The following IDE variants were observed in gnomAD, a reference collection of about 807,000 sequenced individuals.
IDE encodes the protein insulin degrading enzyme.
IDE carries 58 observed loss-of-function variants against 133.2 expected under a neutral mutation model. That is an observed-to-expected ratio of 0.44 (90% CI 0.35 to 0.54). The LOEUF (loss-of-function observed/expected upper bound fraction) is 0.54, where lower values mean the gene tolerates loss of function less well. Ranked by LOEUF, IDE falls within the 20% of genes least tolerant of loss-of-function variation. The pLI, the probability that IDE is intolerant of heterozygous loss-of-function variation, is 0.00. For missense variants in IDE, 981 were observed against 1,234.0 expected, an observed-to-expected ratio of 0.79 and a Z score of 3.07; for synonymous variants, 396 against 421.3, an observed-to-expected ratio of 0.94 and a Z score of 0.73.
chr10:92,465,643 C>T (rs1479504026), intron 20 of IDE, 33 bp downstream of exon 20: 2 of 1,579,856 alleles, frequency 1.3e-6, no homozygotes, highest in South Asian at 1.1e-5. Flanking sequence ...TCAAAGTCTA[C>T]AGTACCCTGC....
At chr10:92,573,210 C>CA (rs1186854480) in intron 1 of IDE, 2 of 983,694 alleles carry the variant, frequency 2.0e-6, no homozygotes, top group African/African-American at 3.5e-5. Flanking sequence ...CGCCGGATGG[C>CA]AAAAAACCTG....
Position 92,456,386 on chromosome 10 carries a change from G to A in IDE, c.2869C>T (p.His957Tyr). 6.2e-7 allele frequency: 1 copy of A among 1,613,702 alleles called. No individual in the cohort carries two copies. The highest frequency in any genetic ancestry group is 8.5e-7 in the Non-Finnish European group (1 of 1,179,614). The part of the protein sequence containing the change: ...DAPRRHKVSV[H>Y]VLAREMDSCP... ...GAATCCATTTCCCTGGCAAGAACAT[G>A]GACGGATACCTTATGTCTCCTTGGA... Residue 957 changes from histidine (H) to tyrosine (Y), a missense_variant, in exon 23 of 25, where the codon CAT (histidine) becomes TAT (tyrosine). His to Tyr is a moderately conservative substitution (Grantham distance 83, BLOSUM62 2). This residue lies in a region of IDE where 660 missense variants were observed against 894.7 expected (regional missense o/e 0.74). Transcript: ENST00000265986.
chr10:92,472,802 C>A (rs1424898254), intron 17 of IDE, among the ~76,000 whole-genome samples: 1 of 151,746 alleles, frequency 6.6e-6, no homozygotes, highest in African/African-American at 2.4e-5. Context: ...CCATGCCCAG[C>A]TAATTTTTGT....
At position 92,537,385 on chromosome 10, in the gene IDE, T is replaced by G; in HGVS notation, c.264A>C (p.Ala88=). The G allele has an allele frequency of 6.2e-7, 1 of 1,605,278 alleles. No homozygotes were observed. Among genetic ancestry groups the G allele is most frequent in the Non-Finnish European group, 8.5e-7 (1 of 1,177,792 alleles). Residue 88 remains alanine, a synonymous_variant, in exon 2 of 25, where the codon GCA becomes GCC. Coordinates refer to ENST00000265986, the MANE Select transcript of IDE (RefSeq NM_004969.4). The part of the protein sequence containing the change: ...ISDPTTDKSS[A]ALDVHIGSLS... ...TTGTACCTATGTGCACATCAAGTGC[T>G]GCTGATGACTTATCCGTGGTGGGAT...
At chr10:92,524,449 A>ATATAT (rs1564648027) in intron 4 of IDE, among the ~76,000 whole-genome samples, 1 of 27,522 alleles carries the variant, frequency 3.6e-5, no homozygotes. Flanking sequence ...AATATATTTT[A>ATATAT]TATATTATAT....
chr10:92,534,678 G>C lies in IDE; in HGVS notation c.391C>G (p.Leu131Val). 1 of 1,613,504 alleles carries C rather than the reference G, an allele frequency of 6.2e-7. No homozygotes were observed. The highest frequency in any genetic ancestry group is 8.5e-7 in the Non-Finnish European group (1 of 1,179,524). ...TTTGAACTTCCTGCATGCTCACTGA[G>C]AAACTGGCTGTATTCATTTTCTTTA... ...YPKENEYSQFLSEHAGSSNAF... is the reference protein window; with the variant it reads ...YPKENEYSQFVSEHAGSSNAF... The change falls in exon 3 of 25, where the codon CTC becomes GTC. Residue 131 changes from leucine to valine, a missense_variant. Transcript: ENST00000265986.
intron 9 of IDE, among the ~76,000 whole-genome samples, chr10:92,507,024 G>T (rs746492952): frequency 6.6e-6 from 1 of 151,774 alleles, no homozygotes; most frequent in Admixed American, 6.6e-5. Context: ...TGAGAATCTC[G>T]ATAGGCTTTA....
At chr10:92,533,967 G>A (rs1443670185) in intron 3 of IDE, among the ~76,000 whole-genome samples, 1 of 151,754 alleles carries the variant, frequency 6.6e-6, no homozygotes, top group Non-Finnish European at 1.5e-5. Flanking sequence ...AGGTTGCAGT[G>A]AGCCAAGACT....
At chr10:92,512,695 G>A (rs541933997) in intron 5 of IDE, among the ~76,000 whole-genome samples, 2 of 151,222 alleles carry the variant, frequency 1.3e-5, no homozygotes, top group East Asian at 3.9e-4. Flanking sequence ...TTTTTTTACT[G>A]TCCTCACTCC....
At chr10:92,505,065 T>C (rs561927030) in intron 10 of IDE, among the ~76,000 whole-genome samples, 168 bp from the exon 11 acceptor site, 1 of 152,344 alleles carries the variant, frequency 6.6e-6, no homozygotes, top group Admixed American at 6.5e-5. Flanking sequence ...GTCTCTTTCC[T>C]ACCACATTGT....
Position 92,460,086 on chromosome 10 carries a change from C to A in IDE, c.2823+1105G>T, listed in dbSNP as rs527893592. Among the ~76,000 whole-genome samples, 24 of 152,220 alleles carry A rather than the reference C, an allele frequency of 1.6e-4. No homozygotes were observed. The South Asian group carries it at 5.0e-3, about 32-fold the overall frequency. ...ACTCCTGACCTCGTGATTCACCCAC[C>A]TTGGCCTCCCAAAGTGCTGGGATTA... is the stretch of plus-strand genomic sequence containing the variant. On this transcript the variant is annotated intron_variant, in intron 22 of 24. Coordinates refer to ENST00000265986, the MANE Select transcript of IDE (RefSeq NM_004969.4).
rs202095680 is a variant in IDE at position 92,568,815 on chromosome 10, C to CA, written c.98+5106dup. Among the ~76,000 whole-genome samples, 1,398 of 143,940 alleles carry CA rather than the reference C, an allele frequency of 9.7e-3. 21 individuals carry two copies. Among genetic ancestry groups the CA allele is most frequent in the African/African-American group, 0.031 (1,220 of 39,518 alleles). 94.4% of individuals were successfully genotyped at this position (143,940 alleles called of 152,430 possible). A position where few individuals can be genotyped will look rare whatever the true frequency, so the allele number is the denominator to read the frequency against. ...TGGGCAACAAGGGCAGACTCTTTCT[C>CA]AAAAAAAAAAATAATAATAATAATA... On this transcript the variant is annotated intron_variant, in intron 1 of 24. Transcript: ENST00000265986.
rs1472406934 is a variant in IDE at position 92,508,318 on chromosome 10, T to C, written c.1061-113A>G. 9.8e-6 allele frequency: 8 copies of C among 820,000 alleles called. No individual in the cohort carries two copies. The East Asian group carries it at 2.0e-4, about 20-fold the overall frequency. The allele number at this position is 820,000 out of a possible 1,614,324, so 50.8% of individuals were successfully genotyped here. ...TTCCTAAGATATCAGAATGAACCTC[T>C]TGCGAAAAGATTGGGAAAAAAAAAT... is the stretch of plus-strand genomic sequence containing the variant. On this transcript the variant is annotated intron_variant, in intron 7 of 24. Coordinates refer to ENST00000265986, the MANE Select transcript of IDE (RefSeq NM_004969.4).
chr10:92,479,354 A>T lies in IDE; in HGVS notation c.1807T>A (p.Ser603Thr), dbSNP rs1485979292. 1 of 1,612,792 alleles carries T rather than the reference A, an allele frequency of 6.2e-7. No individual in the cohort carries two copies. The highest frequency in any genetic ancestry group is 8.5e-7 in the Non-Finnish European group (1 of 1,178,740). Residue 603 changes from serine to threonine, a missense_variant, in exon 15 of 25, where the codon TCA (serine) becomes ACA (threonine). By Grantham distance (58) the Ser-to-Thr change is moderately conservative. This residue lies in a region of IDE where 660 missense variants were observed against 894.7 expected (regional missense o/e 0.74). Transcript: ENST00000265986. ...GCTGCATATGCATACTCGTTGAGTG[A>T]GTCTTTGAGGAGCTCAAGGTACAAA... ...AYLYLELLKDSLNEYAYAAEL... is the reference protein window; with the variant it reads ...AYLYLELLKDTLNEYAYAAEL...
intron 1 of IDE, among the ~76,000 whole-genome samples, chr10:92,572,290 CAA>C (rs1843822385): frequency 6.6e-6 from 1 of 152,172 alleles, no homozygotes; most frequent in Non-Finnish European, 1.5e-5. Flanking sequence ...CAGACTGACA[CAA>C]AAGAGGACAA....
chr10:92,546,059 A>G (rs781674434), intron 1 of IDE, among the ~76,000 whole-genome samples: 2 of 152,260 alleles, frequency 1.3e-5, no homozygotes, highest in Non-Finnish European at 2.9e-5. Flanking sequence ...TGGAAAGTAT[A>G]CAGCAATAAA....
intron 4 of IDE, among the ~76,000 whole-genome samples, chr10:92,530,803 T>G (rs1849882870): frequency 6.6e-6 from 1 of 152,190 alleles, no homozygotes; most frequent in Non-Finnish European, 1.5e-5. Context: ...AAACTCCTAA[T>G]TCTGTAAAGC....
At chr10:92,562,382 T>C (rs1843322677) in intron 1 of IDE, among the ~76,000 whole-genome samples, 1 of 152,220 alleles carries the variant, frequency 6.6e-6, no homozygotes, top group South Asian at 2.1e-4. Flanking sequence ...TTAATAAAGA[T>C]ATTTGAAGCT....
intron 1 of IDE, among the ~76,000 whole-genome samples, chr10:92,548,106 T>G (rs1374979030): frequency 6.6e-6 from 1 of 151,938 alleles, no homozygotes; most frequent in Non-Finnish European, 1.5e-5. Flanking sequence ...ATGCCTGTAA[T>G]CCCAGCACTT....
Sources: allele counts gnomAD v4.1 joint callset (sites outside exome capture counted in the v4.1 genomes callset), GRCh38; gene constraint gnomAD v4.1.1; regional missense constraint gnomAD v4.1.1; transcripts MANE v1.5; gene names NCBI Gene and HGNC (gene_info 2026-07-23, HGNC 2026-07-21).